The following CT55 variants were observed in gnomAD, a reference collection of about 807,000 sequenced individuals.
CT55 encodes the protein BRCA2-interacting protein.
A neutral mutation model predicts 12.6 loss-of-function variants in CT55; 1 was observed. That is an observed-to-expected ratio of 0.08 (90% confidence interval 0.03 to 0.38). CT55 has a LOEUF of 0.38. Ranked by LOEUF, CT55 falls within the 10% of genes least tolerant of loss-of-function variation. The probability of loss-of-function intolerance (pLI) is 0.99; values close to 1 mark genes in which losing one functional copy is unlikely to be tolerated. For missense variants in CT55, 109 were observed against 135.4 expected, an observed-to-expected ratio of 0.80 and a Z score of 0.97; for synonymous variants, 43 against 49.7, an observed-to-expected ratio of 0.87 and a Z score of 0.57.
At chrX:135,168,283 C>T (rs2083594363) in intron 2 of CT55, among the ~76,000 whole-genome samples, 1 of 111,840 alleles carries the variant, frequency 8.9e-6, no homozygotes, top group Non-Finnish European at 1.9e-5. Flanking sequence ...AGAATATTGC[C>T]GTTTGAAATA....
intron 1 of CT55, 69 bp downstream of exon 1, chrX:135,171,009 C>T: frequency 2.5e-6 from 3 of 1,180,661 alleles, no homozygotes; most frequent in Middle Eastern, 2.4e-4. Flanking sequence ...CAGCCTCATT[C>T]CGGGGGTGAG....
chrX:135,167,206 G>A (rs2083589655), intron 2 of CT55, among the ~76,000 whole-genome samples: 1 of 111,777 alleles, frequency 8.9e-6, no homozygotes, highest in South Asian at 3.7e-4. Context: ...ATATGACAAA[G>A]CTATAGTAAG....
At chrX:135,158,386 T>C (rs1485103487) in intron 3 of CT55, 75 bp from the exon 4 acceptor site, 3 of 609,869 alleles carry the variant, frequency 4.9e-6, no homozygotes, top group Non-Finnish European at 8.1e-6. Flanking sequence ...TGTTATTTGA[T>C]AGTGTACTAC....
intron 1 of CT55, 53 bp downstream of exon 1, chrX:135,171,025 C>A: frequency 3.3e-6 from 4 of 1,196,034 alleles, no homozygotes; most frequent in Non-Finnish European, 4.5e-6. Context: ...GTGAGGAGAA[C>A]CCCTATTGGG....
intron 2 of CT55, among the ~76,000 whole-genome samples, chrX:135,164,734 A>G (rs1220239247): frequency 4.5e-5 from 5 of 112,180 alleles, no homozygotes; most frequent in Non-Finnish European, 9.4e-5. Context: ...AAGACATGAA[A>G]AAAGATATTC....
At chrX:135,164,890 C>A (rs1450008519) in intron 2 of CT55, among the ~76,000 whole-genome samples, 1 of 111,819 alleles carries the variant, frequency 8.9e-6, no homozygotes, top group Non-Finnish European at 1.9e-5. Flanking sequence ...ATAATGATTT[C>A]CAAAAATATG....
Position 135,171,252 on chromosome X carries a change from G to A in CT55, c.-81C>T. 1 of 1,178,185 alleles carries A rather than the reference G, an allele frequency of 8.5e-7. No individual in the cohort carries two copies. The highest frequency in any genetic ancestry group is 1.1e-6 in the Non-Finnish European group (1 of 876,770). ...CCTCCTCAGTAAGGGAAGCCCTCAG[G>A]TCACGGCGTCTCCTCAGGGACTCAC... On this transcript the variant is annotated 5_prime_UTR_variant, in exon 1 of 6. Transcript: ENST00000276241.
chrX:135,166,186 C>A (rs1556405995), intron 2 of CT55, among the ~76,000 whole-genome samples: 1 of 110,079 alleles, frequency 9.1e-6, no homozygotes, highest in East Asian at 2.8e-4. Flanking sequence ...AATTCCTGAT[C>A]AACACAGTTG....
chrX:135,158,216 A>G lies in CT55; in HGVS notation c.520T>C (p.Cys174Arg). 8.4e-7 allele frequency: 1 copy of G among 1,195,878 alleles called. No homozygotes were observed. Among genetic ancestry groups the G allele is most frequent in the East Asian group, 3.0e-5 (1 of 33,778 alleles). Residue 174 changes from cysteine (C) to arginine (R), a missense_variant, in exon 4 of 6, where the codon TGT becomes CGT. Coordinates refer to ENST00000276241, the MANE Select transcript of CT55 (RefSeq NM_001031705.3). Reference sequence around the variant, plus strand: ...GAAATTACCTCTTCCGTATGAATACAACGGATGGGCTTCACAGAAGTTGCC... The same window carrying G: ...GAAATTACCTCTTCCGTATGAATACGACGGATGGGCTTCACAGAAGTTGCC... ...IKATSVKPIR[C>R]IHTEEVCITS...
chrX:135,166,612 T>C (rs1200382952), intron 2 of CT55, among the ~76,000 whole-genome samples: 1 of 111,488 alleles, frequency 9.0e-6, no homozygotes, highest in Non-Finnish European at 1.9e-5. Context: ...ACCAGAGAAA[T>C]TAGGCAAGAA....
At chrX:135,158,475 G>T (rs1261415628) in intron 3 of CT55, among the ~76,000 whole-genome samples, 164 bp from the exon 4 acceptor site, 6 of 112,458 alleles carry the variant, frequency 5.3e-5, no homozygotes, top group African/African-American at 1.9e-4. Context: ...AGTCCAAAAA[G>T]AAGTTTATAA....
chrX:135,160,997 A>G (rs1265578774), intron 2 of CT55, among the ~76,000 whole-genome samples: 1 of 110,651 alleles, frequency 9.0e-6, no homozygotes, highest in African/African-American at 3.3e-5. Context: ...AGGGGAAGTC[A>G]GATTTGTGCT....
intron 2 of CT55, among the ~76,000 whole-genome samples, chrX:135,163,750 G>A (rs2083571845): frequency 9.0e-6 from 1 of 111,597 alleles, no homozygotes; most frequent in Non-Finnish European, 1.9e-5. Flanking sequence ...ATTACCCCAT[G>A]ACATATTAAA....
rs781867227 is a variant in CT55, at chrX:135,158,187, GA to G, written c.537+11del. 1.8e-6 allele frequency: 2 copies of G among 1,118,057 alleles called. No homozygotes were observed. Among genetic ancestry groups the G allele is most frequent in the African/African-American group, 3.6e-5 (2 of 56,037 alleles). The allele number at this position is 1,118,057 out of a possible 1,213,427, so 92.1% of individuals were successfully genotyped here. On this transcript the variant is annotated intron_variant, in intron 4 of 5. Transcript: ENST00000276241. ...CAGAAACTGCTGACGGGAGCAACAG[GA>G]AAGAAATTACCTCTTCCGTATGAAT... is the stretch of plus-strand genomic sequence containing the variant.
At position 135,160,513 on chromosome X, in the gene CT55, C is replaced by G; in HGVS notation, c.322G>C (p.Asp108His). The G allele has an allele frequency of 8.3e-7, 1 of 1,200,855 alleles. No individual in the cohort carries two copies. Among genetic ancestry groups the G allele is most frequent in the Non-Finnish European group, 1.1e-6 (1 of 892,390 alleles). Residue 108 changes from aspartate (D) to histidine (H), a missense_variant, in exon 3 of 6, where the codon GAC (aspartate) becomes CAC (histidine). Coordinates refer to ENST00000276241, the MANE Select transcript of CT55 (RefSeq NM_001031705.3). ...CCAATTAAAACTCTGGTTCCTGAGT[C>G]TGAGGGTCCAGCACCATAAAGATGG... ...PRHLYGAGPS[D>H]SGTRVLIGCV...
chrX:135,169,855 A>G (rs1235059774), intron 1 of CT55, 77 bp from the exon 2 acceptor site: 1 of 715,979 alleles, frequency 1.4e-6, no homozygotes, highest in African/African-American at 2.2e-5. Flanking sequence ...TACACTCACC[A>G]TCTGCATAAC....
chrX:135,161,520 A>C (rs2083562673), intron 2 of CT55, among the ~76,000 whole-genome samples: 1 of 112,384 alleles, frequency 8.9e-6, no homozygotes, highest in Non-Finnish European at 1.9e-5. Flanking sequence ...TGAACACAAA[A>C]GTTTTTAAAT....
rs142030219 is a variant in CT55 at position 135,158,206 on chromosome X, G to T, written c.530C>A (p.Thr177Lys). The change falls in exon 4 of 6, where the codon ACG becomes AAG. Residue 177 changes from threonine to lysine, a missense_variant. Physicochemically the swap from Thr to Lys is moderately conservative, Grantham distance 78. Transcript: ENST00000276241. ...CAACAGGAAAGAAATTACCTCTTCCGTATGAATACAACGGATGGGCTTCAC... is the reference window on the plus strand; with the variant it reads ...CAACAGGAAAGAAATTACCTCTTCCTTATGAATACAACGGATGGGCTTCAC... ...TSVKPIRCIH[T>K]EEVCITSVHG... 5.9e-6 allele frequency: 7 copies of T among 1,180,400 alleles called. No homozygotes were observed. The highest frequency in any genetic ancestry group is 1.8e-5 in the South Asian group (1 of 55,961).
intron 2 of CT55, among the ~76,000 whole-genome samples, chrX:135,167,307 A>T (rs1277326229): frequency 8.9e-6 from 1 of 112,328 alleles, no homozygotes; most frequent in African/African-American, 3.2e-5. Flanking sequence ...TTTACAGTCA[A>T]CTAATTTTTG....
Sources: allele counts gnomAD v4.1 joint callset (sites outside exome capture counted in the v4.1 genomes callset), GRCh38; gene constraint gnomAD v4.1.1; transcripts MANE v1.5; gene names NCBI Gene and HGNC (gene_info 2026-07-23, HGNC 2026-07-21).